Variants in ZFHX3 observed in about 807,000 individuals in gnomAD.
ZFHX3 encodes the protein zinc finger homeobox 3.
ZFHX3 carries 42 observed loss-of-function variants against 279.1 expected under a neutral mutation model. The ratio of observed to expected loss-of-function variants is 0.15; its 90% CI spans 0.12 to 0.19. The LOEUF (loss-of-function observed/expected upper bound fraction) is 0.19. Among genes scored for constraint, ZFHX3 ranks in the 10% least tolerant of loss-of-function variants. The pLI, the probability that ZFHX3 is intolerant of heterozygous loss-of-function variation, is 1.00. For missense variants in ZFHX3, 4,981 were observed against 4,754.0 expected (o/e 1.05, Z -1.40); for synonymous variants, 2,293 against 1,957.8 (o/e 1.17, Z -4.52).
chr16:73,434,712 G>T (rs1267836492), intron 3 of ZFHX3, among the ~76,000 whole-genome samples: 1 of 152,148 alleles, frequency 6.6e-6, no homozygotes, highest in Non-Finnish European at 1.5e-5. Context: ...GGAACAGTGG[G>T]CTGGGAGTGC....
At chr16:73,719,181 G>T (rs1379049970) in intron 1 of ZFHX3, among the ~76,000 whole-genome samples, 1 of 152,116 alleles carries the variant, frequency 6.6e-6, no homozygotes, top group African/African-American at 2.4e-5. Context: ...TCTGAGTATT[G>T]AGTCTGAGTG....
intron 1 of ZFHX3, among the ~76,000 whole-genome samples, chr16:73,806,521 G>T (rs1412422745): frequency 6.6e-6 from 1 of 152,034 alleles, no homozygotes; most frequent in Non-Finnish European, 1.5e-5. Flanking sequence ...CAGATACACA[G>T]TCAGGTGTTC....
At chr16:73,207,924 C>T (rs1320437476) in intron 5 of ZFHX3, among the ~76,000 whole-genome samples, 1 of 152,120 alleles carries the variant, frequency 6.6e-6, no homozygotes, top group Non-Finnish European at 1.5e-5. Flanking sequence ...ATGTCCGTGC[C>T]CTTTGTCTCA....
intron 5 of ZFHX3, among the ~76,000 whole-genome samples, chr16:73,180,497 C>T (rs1377155821): frequency 2.6e-5 from 4 of 152,136 alleles, no homozygotes; most frequent in African/African-American, 9.7e-5. Context: ...CACGAAGCCA[C>T]GCCCATCAGA....
chr16:72,935,838 G>A (rs867931070), intron 3 of ZFHX3, among the ~76,000 whole-genome samples: 5 of 152,112 alleles, frequency 3.3e-5, no homozygotes, highest in African/African-American at 7.2e-5. Flanking sequence ...AAAGTTGGGT[G>A]AGAATAAACA....
At chr16:73,014,752 T>G (rs1043727525) in intron 1 of ZFHX3, among the ~76,000 whole-genome samples, 5 of 151,886 alleles carry the variant, frequency 3.3e-5, no homozygotes, top group Admixed American at 3.3e-4. Flanking sequence ...GACCTCATGA[T>G]CCACCTGCCT....
chr16:73,450,274 A>T (rs1296238706), intron 3 of ZFHX3, among the ~76,000 whole-genome samples: 1 of 152,176 alleles, frequency 6.6e-6, no homozygotes, highest in African/African-American at 2.4e-5. Flanking sequence ...AACCTCATTG[A>T]ATCTTTTATT....
At chr16:73,462,075 GT>G (rs1379669404) in intron 2 of ZFHX3, among the ~76,000 whole-genome samples, 2 of 152,146 alleles carry the variant, frequency 1.3e-5, no homozygotes, top group East Asian at 3.9e-4. Flanking sequence ...TACAAGTCCT[GT>G]ACATGTTTTG....
chr16:73,218,802 A>G (rs1236682165), intron 5 of ZFHX3, among the ~76,000 whole-genome samples: 1 of 152,186 alleles, frequency 6.6e-6, no homozygotes. Context: ...AAACACATAC[A>G]ACATGAAATT....
At chr16:73,487,222 G>A (rs911128206) in intron 2 of ZFHX3, among the ~76,000 whole-genome samples, 2 of 152,148 alleles carry the variant, frequency 1.3e-5, no homozygotes, top group Non-Finnish European at 2.9e-5. Context: ...AATTAAGCTC[G>A]GATAGGGACC....
intron 4 of ZFHX3, among the ~76,000 whole-genome samples, chr16:73,266,251 T>C (rs2013971992): frequency 6.6e-6 from 1 of 152,242 alleles, no homozygotes; most frequent in Non-Finnish European, 1.5e-5. Context: ...TATAAACCTA[T>C]CATCACATAT....
chr16:72,974,341 T>C (rs867686624), intron 1 of ZFHX3, among the ~76,000 whole-genome samples: 3 of 152,178 alleles, frequency 2.0e-5, no homozygotes, highest in Middle Eastern at 3.4e-3. Context: ...CACAGGACAA[T>C]GGGGAAAACC....
intron 5 of ZFHX3, among the ~76,000 whole-genome samples, chr16:73,158,895 G>C (rs1394615217): frequency 1.3e-5 from 2 of 152,144 alleles, no homozygotes; most frequent in African/African-American, 4.8e-5. Context: ...ATTGAAACTG[G>C]ATCCCTTCCT....
intron 4 of ZFHX3, among the ~76,000 whole-genome samples, chr16:72,845,578 G>A (rs898623247): frequency 9.2e-5 from 14 of 152,014 alleles, no homozygotes; most frequent in African/African-American, 2.4e-4. Flanking sequence ...CGGCACCCCC[G>A]TCCTGCCCCA....
intron 5 of ZFHX3, among the ~76,000 whole-genome samples, chr16:73,163,208 T>G (rs1404882667): frequency 6.6e-6 from 1 of 152,230 alleles, no homozygotes; most frequent in Non-Finnish European, 1.5e-5. Flanking sequence ...GACAGCTTAA[T>G]GCAATAAGCA....
chr16:72,907,548 TGTG>T (rs2039210124), intron 3 of ZFHX3, among the ~76,000 whole-genome samples: 9 of 17,664 alleles, frequency 5.1e-4, no homozygotes, highest in African/African-American at 1.3e-3. Flanking sequence ...CCTCTATTTG[TGTG>T]TGTGTGTGTG....
At chr16:72,909,522 C>T (rs1027385724) in intron 3 of ZFHX3, among the ~76,000 whole-genome samples, 5 of 151,404 alleles carry the variant, frequency 3.3e-5, no homozygotes, top group Admixed American at 3.3e-4. Flanking sequence ...ATCTTTCTCT[C>T]ACACACACCC....
chr16:73,702,803 T>C (rs1356486701), intron 1 of ZFHX3, among the ~76,000 whole-genome samples: 1 of 152,212 alleles, frequency 6.6e-6, no homozygotes, highest in Non-Finnish European at 1.5e-5. Flanking sequence ...AAATTACAGA[T>C]GTTCTTGAGA....
chr16:72,841,066 C>T (rs768147037), intron 4 of ZFHX3, among the ~76,000 whole-genome samples: 5 of 152,130 alleles, frequency 3.3e-5, no homozygotes, highest in Non-Finnish European at 5.9e-5. Context: ...CCGGAGTGGC[C>T]AAGAAAAGAC....
Sources: allele counts gnomAD v4.1 joint callset (sites outside exome capture counted in the v4.1 genomes callset), GRCh38; gene constraint gnomAD v4.1.1; transcripts MANE v1.5; gene names NCBI Gene and HGNC (gene_info 2026-07-23, HGNC 2026-07-21).